Variants in TMEM232 observed in about 807,000 individuals in gnomAD.
The protein encoded by TMEM232 is transmembrane protein 232.
In TMEM232, 80 loss-of-function variants were observed where a neutral mutation model predicts 78.8. That is an observed-to-expected ratio of 1.01 (90% CI 0.85 to 1.22). TMEM232 has a LOEUF of 1.22. Among genes scored for constraint, TMEM232 ranks in the 50% most tolerant of loss-of-function variants. The pLI is 0.00. For synonymous variants in TMEM232, 297 were observed against 254.3 expected (o/e 1.17, Z -1.60); for missense variants, 881 against 742.2 (o/e 1.19, Z -2.17).
At chr5:110,556,445 T>G (rs980099960) in intron 11 of TMEM232, among the ~76,000 whole-genome samples, 5 of 151,786 alleles carry the variant, frequency 3.3e-5, no homozygotes, top group African/African-American at 7.3e-5. Context: ...TGGAGTGCAG[T>G]AGTACAATCT....
intron 2 of TMEM232, among the ~76,000 whole-genome samples, chr5:110,731,937 GCT>G (rs368603590): frequency 2.6e-5 from 4 of 152,182 alleles, no homozygotes; most frequent in East Asian, 3.9e-4. Flanking sequence ...GAACTTTTAT[GCT>G]CTGTTTCCCT....
At chr5:110,528,968 T>A in intron 11 of TMEM232, 133 bp from the exon 12 acceptor site, 2 of 931,474 alleles carry the variant, frequency 2.1e-6, no homozygotes, top group Non-Finnish European at 2.8e-6. Context: ...TAAGTAAAAA[T>A]AATCTTTATA....
chr5:110,732,847 AG>A (rs1798809801), intron 2 of TMEM232, among the ~76,000 whole-genome samples: 1 of 152,238 alleles, frequency 6.6e-6, no homozygotes, highest in African/African-American at 2.4e-5. Context: ...GAGAAAGGAA[AG>A]CTAATCAAAT....
intron 2 of TMEM232, among the ~76,000 whole-genome samples, chr5:110,661,238 G>A (rs1789747109): frequency 6.6e-6 from 1 of 152,066 alleles, no homozygotes; most frequent in Admixed American, 6.6e-5. Flanking sequence ...TATCATGCAT[G>A]GACACTTAGA....
intron 2 of TMEM232, among the ~76,000 whole-genome samples, chr5:110,646,561 T>C (rs951436534): frequency 2.6e-5 from 4 of 151,784 alleles, no homozygotes; most frequent in African/African-American, 9.7e-5. Flanking sequence ...CAAAATGATT[T>C]AAAGACTTAA....
intron 12 of TMEM232, among the ~76,000 whole-genome samples, chr5:110,516,112 A>G (rs1219969886): frequency 6.6e-6 from 1 of 152,022 alleles, no homozygotes; most frequent in Non-Finnish European, 1.5e-5. Flanking sequence ...GGTGGCAGGC[A>G]CCTGTAGTCC....
intron 11 of TMEM232, among the ~76,000 whole-genome samples, chr5:110,541,786 A>G (rs1196022223): frequency 6.6e-6 from 1 of 152,192 alleles, no homozygotes; most frequent in Non-Finnish European, 1.5e-5. Flanking sequence ...TTCTAAATTA[A>G]TGATTCAATT....
chr5:110,465,522 GTTTA>G (rs1183671601), intron 12 of TMEM232, among the ~76,000 whole-genome samples: 2 of 152,012 alleles, frequency 1.3e-5, no homozygotes, highest in African/African-American at 4.8e-5. Context: ...TTGTGTATAT[GTTTA>G]TTTGATAAAA....
At chr5:110,601,906 C>A (rs1339680116) in intron 10 of TMEM232, among the ~76,000 whole-genome samples, 2 of 152,130 alleles carry the variant, frequency 1.3e-5, no homozygotes, top group Non-Finnish European at 2.9e-5. Context: ...TACTACAAGG[C>A]TATAGTAACC....
chr5:110,720,114 G>A (rs1797439967), intron 1 of TMEM232, among the ~76,000 whole-genome samples: 1 of 152,008 alleles, frequency 6.6e-6, no homozygotes, highest in East Asian at 1.9e-4. Context: ...TCTTTGGGGA[G>A]GATTTCAGAG....
At chr5:110,707,487 C>A (rs79246377) in intron 1 of TMEM232, among the ~76,000 whole-genome samples, 1,527 of 152,318 alleles carry the variant, frequency 0.01, 26 homozygotes, top group African/African-American at 0.034. Context: ...GAGGGAATCA[C>A]CCATCCCAGC....
intron 8 of TMEM232, among the ~76,000 whole-genome samples, chr5:110,611,203 A>T (rs542407534): frequency 6.6e-6 from 1 of 152,256 alleles, no homozygotes; most frequent in Non-Finnish European, 1.5e-5. Flanking sequence ...AATTAGTGTA[A>T]ATAAATTTGT....
At position 110,391,291 on chromosome 5, in the gene TMEM232, A is replaced by ATGTGTGTGTG. The variant is rs369913835; in HGVS notation, n.391-661_391-652dup. ...AAAGAAGTCTGAGGCTCCCGTTTGA[A>ATGTGTGTGTG]TGTGTGTGTGTGTGTGTGTGTGTGT... On this transcript the variant is annotated intron_variant and non_coding_transcript_variant, in intron 3 of 8. Coordinates refer to the TMEM232 transcript ENST00000507188. Among the ~76,000 whole-genome samples, 277 of 130,642 alleles carry ATGTGTGTGTG rather than the reference A, an allele frequency of 2.1e-3. 1 individual carries two copies. In the East Asian group the frequency reaches 0.028, roughly 13 times the overall value. The allele number at this position is 130,642 out of a possible 152,430, so 85.7% of individuals were successfully genotyped here.
At chr5:110,632,725 A>AAAGTAAT (rs1785290339) in intron 5 of TMEM232, among the ~76,000 whole-genome samples, 1 of 152,170 alleles carries the variant, frequency 6.6e-6, no homozygotes, top group African/African-American at 2.4e-5. Context: ...GTAATGAAAA[A>AAAGTAAT]GAAAAAAAAC....
intron 13 of TMEM232, among the ~76,000 whole-genome samples, chr5:110,422,038 A>G (rs1302368302): frequency 1.3e-5 from 2 of 152,182 alleles, no homozygotes; most frequent in African/African-American, 4.8e-5. Flanking sequence ...AATTCATGCC[A>G]TGGTTTAGTC....
At chr5:110,578,450 T>C (rs976759120) in intron 10 of TMEM232, among the ~76,000 whole-genome samples, 2 of 152,164 alleles carry the variant, frequency 1.3e-5, no homozygotes, top group Middle Eastern at 3.4e-3. Context: ...TTCCGAGAGA[T>C]ATAACAAGTT....
chr5:110,636,638 T>A (rs1442283913), intron 5 of TMEM232, among the ~76,000 whole-genome samples: 1 of 152,032 alleles, frequency 6.6e-6, no homozygotes, highest in South Asian at 2.1e-4. Context: ...CTGGACTCTG[T>A]AGCCACATTG....
chr5:110,478,331 T>C (rs1763478629), intron 12 of TMEM232, among the ~76,000 whole-genome samples: 1 of 151,986 alleles, frequency 6.6e-6, no homozygotes, highest in South Asian at 2.1e-4. Flanking sequence ...TACTTTAAAA[T>C]AGATTTCTTC....
intron 12 of TMEM232, among the ~76,000 whole-genome samples, chr5:110,518,618 A>G (rs1446486164): frequency 6.6e-6 from 1 of 151,404 alleles, no homozygotes; most frequent in African/African-American, 2.4e-5. Flanking sequence ...AGAATTCTTG[A>G]AAAAAAAATG....
Sources: gnomAD v4.1 joint callset for allele counts (sites outside exome capture counted in the v4.1 genomes callset) on GRCh38, gnomAD v4.1.1 for gene constraint, MANE v1.5 for transcripts, NCBI Gene and HGNC (gene_info 2026-07-23, HGNC 2026-07-21) for gene names.